Variants in DIAPH3 observed in about 807,000 individuals in gnomAD.
DIAPH3 encodes diaphanous related formin 3, also known as protein diaphanous homolog 3.
Under a neutral mutation model 144.3 loss-of-function variants are expected in DIAPH3, and 117 were observed. The observed-to-expected ratio is 0.81, with a 90% CI of 0.70 to 0.95. The LOEUF (loss-of-function observed/expected upper bound fraction) is 0.95. Ranked by LOEUF, DIAPH3 falls within the 40% of genes least tolerant of loss-of-function variation. The probability of loss-of-function intolerance (pLI) is 0.00; values close to 1 mark genes in which losing one functional copy is unlikely to be tolerated. For missense variants in DIAPH3, 1,421 were observed against 1,412.7 expected (o/e 1.01, Z -0.09); for synonymous variants, 519 against 488.9 (o/e 1.06, Z -0.81).
chr13:59,897,566 G>A (rs558407920), intron 20 of DIAPH3, among the ~76,000 whole-genome samples: 11 of 151,836 alleles, frequency 7.2e-5, no homozygotes, highest in African/African-American at 2.4e-4. Context: ...TGGCTAACAT[G>A]GTAAAACCCC....
intron 1 of DIAPH3, among the ~76,000 whole-genome samples, chr13:60,161,626 A>G (rs765819872): frequency 3.3e-5 from 5 of 152,210 alleles, no homozygotes; most frequent in Non-Finnish European, 5.9e-5. Context: ...GGAATCCTAC[A>G]GGTGAAGATA....
chr13:59,829,003 T>A (rs1469092384), intron 24 of DIAPH3, among the ~76,000 whole-genome samples: 6 of 151,946 alleles, frequency 3.9e-5, no homozygotes, highest in Non-Finnish European at 8.8e-5. Flanking sequence ...TTGTTCTACA[T>A]GGCTTGAGGC....
At chr13:59,729,334 T>A (rs2035764447) in intron 27 of DIAPH3, among the ~76,000 whole-genome samples, 1 of 152,114 alleles carries the variant, frequency 6.6e-6, no homozygotes, top group Admixed American at 6.5e-5. Context: ...ACAGTAGCTG[T>A]GAGCAGGCAC....
chr13:59,888,339 C>T (rs949889713), intron 20 of DIAPH3, among the ~76,000 whole-genome samples: 29 of 152,130 alleles, frequency 1.9e-4, no homozygotes, highest in African/African-American at 6.7e-4. Flanking sequence ...CGGCCAGCAC[C>T]CTGATCATGG....
chr13:59,810,443 A>G (rs557367733), intron 25 of DIAPH3, among the ~76,000 whole-genome samples: 7 of 152,328 alleles, frequency 4.6e-5, no homozygotes, highest in Non-Finnish European at 1.0e-4. Context: ...TACATGTCCT[A>G]TAGAATTTTC....
intron 17 of DIAPH3, among the ~76,000 whole-genome samples, chr13:59,956,363 G>T (rs1263011840): frequency 6.6e-6 from 1 of 152,190 alleles, no homozygotes; most frequent in Non-Finnish European, 1.5e-5. Context: ...GGTGCCCTGT[G>T]TCCCAGCTGT....
intron 24 of DIAPH3, 152 bp from the exon 25 acceptor site, chr13:59,811,075 G>A (rs2040448280): frequency 4.1e-6 from 3 of 728,446 alleles, no homozygotes; most frequent in East Asian, 5.4e-5. Flanking sequence ...TAAAAGGTAT[G>A]CACAGAAACC....
chr13:59,794,701 G>T (rs1468729931), intron 25 of DIAPH3, among the ~76,000 whole-genome samples: 1 of 151,992 alleles, frequency 6.6e-6, no homozygotes, highest in African/African-American at 2.4e-5. Context: ...TCGAGGCAGG[G>T]TCTCATTGTG....
chr13:59,868,250 G>A (rs2044048880), intron 21 of DIAPH3, among the ~76,000 whole-genome samples: 1 of 152,120 alleles, frequency 6.6e-6, no homozygotes, highest in Admixed American at 6.6e-5. Flanking sequence ...TTAGAGCACG[G>A]ATTTCTTAAT....
chr13:59,942,669 T>C (rs549026985), intron 17 of DIAPH3, among the ~76,000 whole-genome samples: 5 of 152,160 alleles, frequency 3.3e-5, no homozygotes, highest in African/African-American at 7.2e-5. Context: ...GCTGGTAGCC[T>C]TCTGAAAGGC....
chr13:60,050,792 T>A (rs2800298), intron 4 of DIAPH3, among the ~76,000 whole-genome samples: 114,681 of 149,362 alleles, frequency 0.77, 43,404 homozygotes, highest in Admixed American at 0.82. Flanking sequence ...GATTTTTCTA[T>A]CTACTGTGTG....
intron 17 of DIAPH3, among the ~76,000 whole-genome samples, chr13:59,960,016 T>C (rs1031609970): frequency 3.3e-5 from 5 of 152,212 alleles, no homozygotes; most frequent in Non-Finnish European, 7.4e-5. Flanking sequence ...CTTCTTGTTT[T>C]AATCATTCCC....
intron 9 of DIAPH3, among the ~76,000 whole-genome samples, chr13:59,999,652 G>A (rs1274309733): frequency 6.6e-6 from 1 of 152,114 alleles, no homozygotes; most frequent in Admixed American, 6.5e-5. Flanking sequence ...TGGGACACAT[G>A]GGACTTTGGC....
At chr13:60,163,550 C>CG in intron 1 of DIAPH3, 37 bp downstream of exon 1, 2 of 1,564,492 alleles carry the variant, frequency 1.3e-6, no homozygotes, top group Non-Finnish European at 1.7e-6. Context: ...TACGGCGGGG[C>CG]GGGAGCGGCC....
At chr13:59,786,767 A>C (rs185198753) in intron 25 of DIAPH3, among the ~76,000 whole-genome samples, 1 of 152,176 alleles carries the variant, frequency 6.6e-6, no homozygotes, top group East Asian at 1.9e-4. Flanking sequence ...GTGTTTAGGG[A>C]GAGGGGGTAG....
At chr13:60,143,566 G>C (rs1951373723) in intron 1 of DIAPH3, among the ~76,000 whole-genome samples, 1 of 152,206 alleles carries the variant, frequency 6.6e-6, no homozygotes, top group African/African-American at 2.4e-5. Flanking sequence ...GCATCACCTG[G>C]GTTCAGCTCA....
Position 59,730,086 on chromosome 13 carries a change from T to C in DIAPH3, c.3319+44103A>G, listed in dbSNP as rs151238577. ...TTTGGTTTTATCTGGTCAGCATACT[T>C]AAAAAAACAGCGAGCCCTAAATTTT... On this transcript the variant is annotated intron_variant, in intron 27 of 27. Coordinates refer to ENST00000400324, the MANE Select transcript of DIAPH3 (RefSeq NM_001042517.2). 5.2e-3 allele frequency among the ~76,000 whole-genome samples: 799 copies of C among 152,198 alleles called. 4 individuals carry two copies. The highest frequency in any genetic ancestry group is 0.032 in the South Asian group (153 of 4,824).
At chr13:59,868,165 T>C (rs2044044397) in intron 21 of DIAPH3, among the ~76,000 whole-genome samples, 2 of 152,154 alleles carry the variant, frequency 1.3e-5, no homozygotes, top group African/African-American at 4.8e-5. Context: ...AAAAATATTC[T>C]TGTTTGGAGT....
At chr13:59,709,669 T>C (rs1259514180) in intron 27 of DIAPH3, among the ~76,000 whole-genome samples, 2 of 152,208 alleles carry the variant, frequency 1.3e-5, no homozygotes, top group Admixed American at 1.3e-4. Flanking sequence ...AGTTCAACCG[T>C]TGTGGAAGGC....
Sources: allele counts gnomAD v4.1 joint callset (sites outside exome capture counted in the v4.1 genomes callset), GRCh38; gene constraint gnomAD v4.1.1; transcripts MANE v1.5; gene names NCBI Gene and HGNC (gene_info 2026-07-23, HGNC 2026-07-21).